MAP3K13: variants seen among roughly 807,000 people sequenced by gnomAD.
MAP3K13 encodes leucine zipper-bearing kinase.
Under a neutral mutation model 104.0 loss-of-function variants are expected in MAP3K13, and 52 were observed. That is an observed-to-expected ratio of 0.50 (90% CI 0.40 to 0.63). MAP3K13 has a LOEUF of 0.63. Among genes scored for constraint, MAP3K13 ranks in the 20% least tolerant of loss-of-function variants. MAP3K13 has a pLI of 0.00. For synonymous variants in MAP3K13, 394 were observed against 442.2 expected, an observed-to-expected ratio of 0.89 and a Z score of 1.37; for missense variants, 914 against 1,218.5, an observed-to-expected ratio of 0.75 and a Z score of 3.72.
chr3:185,446,416 C>T (rs963603804), intron 4 of MAP3K13, among the ~76,000 whole-genome samples: 1 of 152,070 alleles, frequency 6.6e-6, no homozygotes, highest in African/African-American at 2.4e-5. Flanking sequence ...CCACCACGCT[C>T]GTAAGCCTCT....
chr3:185,352,370 G>A (rs2108732196), intron 2 of MAP3K13, among the ~76,000 whole-genome samples: 1 of 152,244 alleles, frequency 6.6e-6, no homozygotes, highest in Admixed American at 6.5e-5. Context: ...CTTGAACCCA[G>A]GAGGCAGAGG....
intron 2 of MAP3K13, chr3:185,292,608 T>G: frequency 1.2e-5 from 12 of 971,652 alleles, no homozygotes; most frequent in Non-Finnish European, 1.5e-5. Context: ...ATATATAAAA[T>G]GTATAATACA....
chr3:185,302,160 T>C (rs972074047), intron 2 of MAP3K13, among the ~76,000 whole-genome samples: 72 of 151,710 alleles, frequency 4.7e-4, no homozygotes, highest in African/African-American at 1.7e-3. Flanking sequence ...CCCAGCACTT[T>C]GGGAGGCCAA....
intron 2 of MAP3K13, among the ~76,000 whole-genome samples, chr3:185,337,136 C>T (rs533995961): frequency 6.6e-6 from 1 of 152,272 alleles, no homozygotes; most frequent in South Asian, 2.1e-4. Context: ...AACTCCTGAG[C>T]TCAAGTGATC....
At chr3:185,383,049 C>T (rs1311370585) in intron 1 of MAP3K13, among the ~76,000 whole-genome samples, 1 of 141,214 alleles carries the variant, frequency 7.1e-6, no homozygotes, top group Non-Finnish European at 1.5e-5. Flanking sequence ...GTGTGATGTT[C>T]CCCTTCCTGT....
intron 4 of MAP3K13, among the ~76,000 whole-genome samples, chr3:185,444,797 A>T (rs1715509123): frequency 1.3e-5 from 2 of 152,154 alleles, no homozygotes; most frequent in South Asian, 4.1e-4. Context: ...AGCCTGGGCA[A>T]TATAGTGAAA....
intron 1 of MAP3K13, among the ~76,000 whole-genome samples, chr3:185,405,844 C>T (rs1031187177): frequency 1.3e-5 from 2 of 152,152 alleles, no homozygotes; most frequent in African/African-American, 2.4e-5. Flanking sequence ...ACTATCTGAC[C>T]GGGTCTATTC....
At chr3:185,362,426 TAATCG>T (rs1421376268), upstream of MAP3K13, among the ~76,000 whole-genome samples, 1 of 152,204 alleles carries the variant, frequency 6.6e-6, no homozygotes, top group East Asian at 1.9e-4. Flanking sequence ...AGCTGTGTCT[TAATCG>T]ACTGCCAGAA....
intron 1 of MAP3K13, among the ~76,000 whole-genome samples, chr3:185,380,017 C>T (rs1724628176): frequency 6.6e-6 from 1 of 152,038 alleles, no homozygotes; most frequent in Non-Finnish European, 1.5e-5. Flanking sequence ...GAAACCCCAT[C>T]TCAACTAAAA....
At chr3:185,462,203 T>C (rs1332189395) in intron 7 of MAP3K13, among the ~76,000 whole-genome samples, 5 of 152,208 alleles carry the variant, frequency 3.3e-5, no homozygotes, top group African/African-American at 1.2e-4. Flanking sequence ...TTTCACTGTT[T>C]GTTTCTCTCT....
intron 2 of MAP3K13, among the ~76,000 whole-genome samples, chr3:185,293,671 C>T (rs577560184): frequency 3.3e-5 from 5 of 152,148 alleles, no homozygotes; most frequent in Admixed American, 6.5e-5. Context: ...GCGATCCACC[C>T]GCCTTGGCCT....
In MAP3K13 at chr3:185,454,661, G is replaced by GAT. The variant is rs1250917173; in HGVS notation, c.1278+3273_1278+3274dup. On this transcript the variant is annotated intron_variant, in intron 7 of 13. Transcript: ENST00000265026. ...TGAGATATATATATGATATATATAT[G>GAT]ATATATATGAGATATTTATATGATA... is the stretch of plus-strand genomic sequence containing the variant. Among the ~76,000 whole-genome samples the GAT allele has an allele frequency of 2.1e-3, 206 of 96,864 alleles. 48 individuals are homozygous for GAT. Among genetic ancestry groups the GAT allele is most frequent in the South Asian group, 3.2e-3 (10 of 3,108 alleles). The allele number at this position is 96,864 out of a possible 152,430, so 63.5% of individuals were successfully genotyped here.
intron 2 of MAP3K13, among the ~76,000 whole-genome samples, chr3:185,327,374 A>T (rs577933312): frequency 1.2e-4 from 18 of 152,308 alleles, no homozygotes; most frequent in Non-Finnish European, 2.2e-4. Context: ...GGAAGGTAAC[A>T]TATTCACAGG....
intron 10 of MAP3K13, among the ~76,000 whole-genome samples, chr3:185,472,298 C>T (rs182361195): frequency 6.6e-6 from 1 of 150,974 alleles, no homozygotes; most frequent in African/African-American, 2.4e-5. Flanking sequence ...CTGCAACCTC[C>T]GCCTCCCAGG....
At chr3:185,399,957 C>T (rs1433714835) in intron 1 of MAP3K13, among the ~76,000 whole-genome samples, 1 of 152,064 alleles carries the variant, frequency 6.6e-6, no homozygotes, top group Non-Finnish European at 1.5e-5. Context: ...TCACTCTATC[C>T]TGTTAATTCT....
At chr3:185,451,660 A>T (rs895986879) in intron 7 of MAP3K13, 2 of 300,308 alleles carry the variant, frequency 6.7e-6, no homozygotes, top group Non-Finnish European at 1.3e-5. Flanking sequence ...TGAGGCCAGG[A>T]ATTCAAGACC....
chr3:185,331,092 CT>C (rs34204309), intron 2 of MAP3K13, among the ~76,000 whole-genome samples: 30 of 108,578 alleles, frequency 2.8e-4, no homozygotes, highest in South Asian at 6.0e-4. Context: ...CCTAATTTAC[CT>C]TTTTTTTTTT....
At position 185,418,393 on chromosome 3, in the gene MAP3K13, G is replaced by A. The variant is rs1463580250; in HGVS notation, c.-85-10104G>A. On this transcript the variant is annotated intron_variant, in intron 1 of 13. Coordinates refer to ENST00000265026, the MANE Select transcript of MAP3K13 (RefSeq NM_004721.5). The surrounding 1 kb of genome is among the most constrained non-coding windows in gnomAD (Gnocchi z 4.5). ...GACCAGTGCTGGTAGGGCTGAGGCA[G>A]CCAGGGCAGAACAGATGGCATATCG... 4.4e-6 allele frequency: 7 copies of A among 1,605,600 alleles called. No homozygotes were observed. Among genetic ancestry groups the A allele is most frequent in the African/African-American group, 4.0e-5 (3 of 74,724 alleles).
chr3:185,338,625 CT>C (rs1351400567), intron 2 of MAP3K13, among the ~76,000 whole-genome samples: 4 of 152,238 alleles, frequency 2.6e-5, no homozygotes, highest in South Asian at 4.2e-4. Flanking sequence ...AACATTACCC[CT>C]ATGCCTATCA....
Sources: gnomAD v4.1 joint callset for allele counts (sites outside exome capture counted in the v4.1 genomes callset) on GRCh38, gnomAD v4.1.1 for gene constraint, Gnocchi (gnomAD v3.1) non-coding constraint, MANE v1.5 for transcripts, NCBI Gene and HGNC (gene_info 2026-07-23, HGNC 2026-07-21) for gene names.